Variants in CNIH3 observed in about 807,000 individuals in gnomAD.
CNIH3 encodes the protein protein cornichon homolog 3.
Under a neutral mutation model 24.1 loss-of-function variants are expected in CNIH3, and 14 were observed. The ratio of observed to expected loss-of-function variants is 0.58; its 90% confidence interval spans 0.38 to 0.91. The LOEUF (loss-of-function observed/expected upper bound fraction) is 0.91. Ranked by LOEUF, CNIH3 falls within the 40% of genes least tolerant of loss-of-function variation. The pLI is 0.00. For synonymous variants in CNIH3, 68 were observed against 73.8 expected (o/e 0.92, Z 0.40); for missense variants, 178 against 196.8 (o/e 0.90, Z 0.57).
chr1:224,554,507 A>C (rs926095660), intron 3 of CNIH3, among the ~76,000 whole-genome samples: 2 of 152,076 alleles, frequency 1.3e-5, no homozygotes, highest in African/African-American at 2.4e-5. Context: ...ACACCTGCAG[A>C]CTTTTTTTCT....
chr1:224,720,225 TTAA>T (rs1688638259), intron 3 of CNIH3, among the ~76,000 whole-genome samples: 1 of 151,798 alleles, frequency 6.6e-6, no homozygotes, highest in South Asian at 2.1e-4. Flanking sequence ...TTAACACCAC[TTAA>T]TAAGTGTTAA....
rs535032121 is a variant in CNIH3, at chr1:224,559,789, C to A, written n.451-6410C>A. ...ATTATTATAAAGCAAACACTCAGGG[C>A]AAAAATAGTCTACTGCTAGCATTCC... is the stretch of plus-strand genomic sequence containing the variant. On this transcript the variant is annotated intron_variant and non_coding_transcript_variant, in intron 3 of 5. Coordinates refer to the CNIH3 transcript ENST00000471578. Among the ~76,000 whole-genome samples the A allele has an allele frequency of 2.6e-5, 4 of 152,190 alleles. No homozygotes were observed. The South Asian group carries it at 8.3e-4, about 32-fold the overall frequency.
intron 1 of CNIH3, among the ~76,000 whole-genome samples, chr1:224,625,305 T>C (rs2125070287): frequency 6.6e-6 from 1 of 152,134 alleles, no homozygotes; most frequent in Non-Finnish European, 1.5e-5. Flanking sequence ...ATCCCAGCAC[T>C]TTGGGAGGCC....
intron 3 of CNIH3, among the ~76,000 whole-genome samples, chr1:224,554,926 G>T (rs1188879165): frequency 6.6e-6 from 1 of 152,124 alleles, no homozygotes; most frequent in Non-Finnish European, 1.5e-5. Context: ...ATCAGGTATT[G>T]TAAGTAATCT....
intron 5 of CNIH3, among the ~76,000 whole-genome samples, chr1:224,587,828 G>A (rs1368244253): frequency 2.0e-5 from 3 of 151,942 alleles, no homozygotes; most frequent in African/African-American, 7.3e-5. Context: ...AGCAGTCCCA[G>A]CTACTCAGGA....
intron 1 of CNIH3, among the ~76,000 whole-genome samples, chr1:224,446,421 T>C (rs1675168493): frequency 6.6e-6 from 1 of 152,188 alleles, no homozygotes; most frequent in African/African-American, 2.4e-5. Context: ...TCTACTTACA[T>C]AGTTCTTTAA....
chr1:224,681,022 A>T lies in CNIH3; in HGVS notation c.146A>T (p.His49Leu). ...KSPIDQCNPV[H>L]ARERLRNIER... ...CCCATAGACCAGTGCAATCCTGTTC[A>T]TGCGGTAAGTGGCGGGTACTGGTGA... Residue 49 changes from histidine (H) to leucine (L), a missense_variant, in exon 2 of 6, where the codon CAT (histidine) becomes CTT (leucine). Physicochemically the swap from His to Leu is moderately conservative, Grantham distance 99 (BLOSUM62 -3). Coordinates refer to ENST00000272133, the MANE Select transcript of CNIH3 (RefSeq NM_152495.2). 6.2e-7 allele frequency: 1 copy of T among 1,614,014 alleles called. No homozygotes were observed. Among genetic ancestry groups the T allele is most frequent in the East Asian group, 2.2e-5 (1 of 44,880 alleles).
intron 1 of CNIH3, among the ~76,000 whole-genome samples, chr1:224,621,416 G>A (rs1237677720): frequency 1.3e-5 from 2 of 152,118 alleles, no homozygotes; most frequent in Non-Finnish European, 2.9e-5. Context: ...GGATGCTTGG[G>A]GTTGACAATA....
downstream of CNIH3, among the ~76,000 whole-genome samples, chr1:224,538,467 G>C (rs1022946568): frequency 2.0e-5 from 3 of 152,088 alleles, no homozygotes; most frequent in Admixed American, 1.3e-4. Context: ...TGATGTGGTC[G>C]TAGCACCGAA....
chr1:224,503,718 T>C lies in CNIH3; in HGVS notation n.204-12023T>C, dbSNP rs147591137. Among the ~76,000 whole-genome samples, 911 of 152,358 alleles carry C rather than the reference T, an allele frequency of 6.0e-3. 5 individuals are homozygous for C. The highest frequency in any genetic ancestry group is 0.02 in the African/African-American group (852 of 41,594). ...TCCCCCAGGAGAGGCAGCAGGCGAC[T>C]TCCCTATTGAAAACACAGCTGTGGC... On this transcript the variant is annotated intron_variant and non_coding_transcript_variant, in intron 1 of 5. Coordinates refer to the CNIH3 transcript ENST00000471578.
chr1:224,454,274 T>TC (rs1572272131), intron 1 of CNIH3: 4 of 979,474 alleles, frequency 4.1e-6, no homozygotes, highest in East Asian at 1.1e-4. Flanking sequence ...TTTTTTTTTT[T>TC]CAGATCTCTG....
intron 1 of CNIH3, among the ~76,000 whole-genome samples, chr1:224,491,203 C>A (rs1446315206): frequency 6.6e-6 from 1 of 152,182 alleles, no homozygotes; most frequent in Non-Finnish European, 1.5e-5. Context: ...GAACAAAAAC[C>A]ATCCAGTTTG....
At chr1:224,504,174 C>A (rs1202581802) in intron 1 of CNIH3, among the ~76,000 whole-genome samples, 1 of 152,220 alleles carries the variant, frequency 6.6e-6, no homozygotes, top group Non-Finnish European at 1.5e-5. Context: ...ACTGTTGCCA[C>A]ATGTTAGCTG....
Position 224,616,772 on chromosome 1 carries a change from G to C in CNIH3, c.-403G>C. 9.7e-7 allele frequency: 1 copy of C among 1,030,258 alleles called. No homozygotes were observed. 63.8% of individuals were successfully genotyped at this position (1,030,258 alleles called of 1,614,324 possible). A position where few individuals can be genotyped will look rare whatever the true frequency, so the allele number is the denominator to read the frequency against. On this transcript the variant is annotated 5_prime_UTR_variant, in exon 1 of 6. Transcript: ENST00000272133. ...CAGCGGTTTAGTGGAGAAAAGCAGA[G>C]AGCTCTTCCTGGGGCGAATGGGACC...
chr1:224,478,140 T>C (rs866011218), intron 1 of CNIH3, among the ~76,000 whole-genome samples: 2 of 152,204 alleles, frequency 1.3e-5, no homozygotes, highest in African/African-American at 4.8e-5. Flanking sequence ...TGATGTAGTC[T>C]TCTTTGGGTT....
At chr1:224,735,638 C>T (rs1289949311) in intron 5 of CNIH3, among the ~76,000 whole-genome samples, 2 of 70,914 alleles carry the variant, frequency 2.8e-5, no homozygotes, top group Non-Finnish European at 5.5e-5. Context: ...ATTTGTCCAG[C>T]ATTTTTTATT....
intron 1 of CNIH3, among the ~76,000 whole-genome samples, chr1:224,446,541 A>G (rs974157187): frequency 2.6e-5 from 4 of 152,092 alleles, no homozygotes; most frequent in African/African-American, 9.7e-5. Flanking sequence ...GTATGTTTAA[A>G]ATTTCATTTT....
Position 224,553,806 on chromosome 1 carries a change from G to GCCTC in CNIH3, n.450+6884_450+6887dup, listed in dbSNP as rs777086100. 2.3e-3 allele frequency among the ~76,000 whole-genome samples: 344 copies of GCCTC among 146,496 alleles called. 2 individuals are homozygous for GCCTC. The highest frequency in any genetic ancestry group is 3.6e-3 in the Non-Finnish European group (240 of 66,530). On this transcript the variant is annotated intron_variant and non_coding_transcript_variant, in intron 3 of 5. Transcript: ENST00000471578. ...AAATTATTTGGCTTTATGTCTCCCT[G>GCCTC]CCTCCCTCCCTCCCTCCCTCTTTCT...
chr1:224,590,563 C>T (rs1681709295), downstream of CNIH3, among the ~76,000 whole-genome samples: 1 of 152,160 alleles, frequency 6.6e-6, no homozygotes. Flanking sequence ...CTTGCTGTAT[C>T]ATCACATGGC....
Sources: allele counts gnomAD v4.1 joint callset (sites outside exome capture counted in the v4.1 genomes callset), GRCh38; gene constraint gnomAD v4.1.1; transcripts MANE v1.5; gene names NCBI Gene and HGNC (gene_info 2026-07-23, HGNC 2026-07-21).